The following MGA variants were observed in gnomAD, a reference collection of about 807,000 sequenced individuals.
MGA encodes the protein MAX dimerization protein MGA.
MGA carries 40 observed loss-of-function variants against 261.1 expected under a neutral mutation model. That is an observed-to-expected ratio of 0.15 (90% CI 0.12 to 0.20). The LOEUF is 0.20. Among genes scored for constraint, MGA ranks in the 10% least tolerant of loss-of-function variants. The pLI is 1.00. For missense variants in MGA, 3,397 were observed against 3,630.5 expected (o/e 0.94, Z 1.65); for synonymous variants, 1,302 against 1,290.6 (o/e 1.01, Z -0.19).
At position 41,740,073 on chromosome 15, in the gene MGA, G is replaced by A. The variant is rs755092164; in HGVS notation, c.4455G>A (p.Val1485=). ...CCAAGGTAGCATCCAATGCCAAGGT[G>A]GCTGCATCCAGGAAACCACGTACCC... Residue 1485 remains valine (V), a synonymous_variant, in exon 14 of 24, where the codon GTG becomes GTA. Coordinates refer to ENST00000219905, the MANE Select transcript of MGA (RefSeq NM_001164273.2). 1.9e-6 allele frequency: 3 copies of A among 1,613,966 alleles called. No homozygotes were observed. The Admixed American group carries it at 5.0e-5, about 27-fold the overall frequency.
At chr15:41,703,375 C>G (rs1567001970) in intron 5 of MGA, among the ~76,000 whole-genome samples, 1 of 140,630 alleles carries the variant, frequency 7.1e-6, no homozygotes, top group African/African-American at 2.6e-5. Flanking sequence ...GTTACCCCCC[C>G]CCCCACTCCC....
chr15:41,725,470 C>T (rs944356237), intron 9 of MGA, among the ~76,000 whole-genome samples: 2 of 152,022 alleles, frequency 1.3e-5, no homozygotes, highest in African/African-American at 2.4e-5. Flanking sequence ...TCACTTTAGC[C>T]AGGAGGCTAC....
At chr15:41,709,065 T>C (rs1278805834) in intron 7 of MGA, among the ~76,000 whole-genome samples, 1 of 152,104 alleles carries the variant, frequency 6.6e-6, no homozygotes, top group Non-Finnish European at 1.5e-5. Context: ...AATTTTGTGG[T>C]TGGGCATGGT....
chr15:41,711,190 G>GCAGCAGCAA lies in MGA; in HGVS notation c.2931_2939dup (p.Gln979_Gln981dup), dbSNP rs751369884. ...AGATTAGTTTGCGGCAGGCACAGCA[G>GCAGCAGCAA]CAGCAGCAACAGCAACAGGGAAGTC... On this transcript the variant is annotated inframe_insertion, in exon 8 of 24. Coordinates refer to ENST00000219905, the MANE Select transcript of MGA (RefSeq NM_001164273.2). 1.2e-6 allele frequency: 2 copies of GCAGCAGCAA among 1,613,796 alleles called. No individual in the cohort carries two copies. Among genetic ancestry groups the GCAGCAGCAA allele is most frequent in the South Asian group, 1.1e-5 (1 of 91,076 alleles).
chr15:41,633,356 T>G (rs1258250902), intron 1 of MGA, among the ~76,000 whole-genome samples: 2 of 43,088 alleles, frequency 4.6e-5, no homozygotes, highest in Non-Finnish European at 1.0e-4. Flanking sequence ...CCTATGGTAT[T>G]TTTTTTTTTT....
chr15:41,761,942 G>A, intron 21 of MGA, 92 bp downstream of exon 21: 1 of 1,123,542 alleles, frequency 8.9e-7, no homozygotes, highest in Non-Finnish European at 1.3e-6. Context: ...TTAATTGAAA[G>A]CTTGGCTCCC....
At position 41,766,685 on chromosome 15, in the gene MGA, C is replaced by G; in HGVS notation, c.8603C>G (p.Pro2868Arg). The G allele has an allele frequency of 6.2e-7, 1 of 1,614,004 alleles. No homozygotes were observed. Among genetic ancestry groups the G allele is most frequent in the Non-Finnish European group, 8.5e-7 (1 of 1,179,900 alleles). Residue 2868 changes from proline to arginine, a missense_variant, in exon 24 of 24, where the codon CCT (proline) becomes CGT (arginine). Pro to Arg is a moderately radical substitution (Grantham distance 103, BLOSUM62 -2). Coordinates refer to ENST00000219905, the MANE Select transcript of MGA (RefSeq NM_001164273.2). ...CGGCGGGCTTTTATTAGTAAGGTTC[C>G]TCCTGGAAGCAGAGCAACTTTCCAG...
Position 41,769,462 on chromosome 15 carries a change from T to C in MGA, c.*2182T>C, listed in dbSNP as rs2063950038. On this transcript the variant is annotated 3_prime_UTR_variant, in exon 24 of 24. Transcript: ENST00000219905. ...GCAGATACCATTCTAACCCCCAAGA[T>C]ACTGTGTTCTCAAGACCTCTTAGAA... 1.3e-5 allele frequency: 2 copies of C among 152,154 alleles called. No individual in the cohort carries two copies. The highest frequency in any genetic ancestry group is 1.9e-4 in the East Asian group (1 of 5,200). The allele number at this position is 152,154 out of a possible 1,614,324, so 9.4% of individuals were successfully genotyped here.
At position 41,749,719 on chromosome 15, in the gene MGA, CCAGAAGAAGGTTGTG is replaced by C; in HGVS notation, c.6115_6129del (p.Glu2039_Ala2043del). On this transcript the variant is annotated inframe_deletion, in exon 17 of 24. Coordinates refer to ENST00000219905, the MANE Select transcript of MGA (RefSeq NM_001164273.2). ...TGATCATTTGGATGAAGAATGCCTTCCAGAAGAAGGTTGTGCAACTGTCAAACCATCTGAGCATTC... is the reference window on the plus strand; with the variant it reads ...TGATCATTTGGATGAAGAATGCCTTCCAACTGTCAAACCATCTGAGCATTC... 2.5e-6 allele frequency: 4 copies of C among 1,613,954 alleles called. No homozygotes were observed. The highest frequency in any genetic ancestry group is 3.4e-6 in the Non-Finnish European group (4 of 1,179,878).
At chr15:41,728,406 T>G (rs1475435691) in intron 10 of MGA, among the ~76,000 whole-genome samples, 1 of 152,202 alleles carries the variant, frequency 6.6e-6, no homozygotes, top group Non-Finnish European at 1.5e-5. Flanking sequence ...ATTCTGCATA[T>G]AATTTTCAAC....
At chr15:41,678,697 G>C (rs2058511621) in intron 2 of MGA, among the ~76,000 whole-genome samples, 1 of 151,466 alleles carries the variant, frequency 6.6e-6, no homozygotes, top group Non-Finnish European at 1.5e-5. Context: ...AACCCGGGAG[G>C]CGGAGGTTGC....
chr15:41,684,040 G>T (rs566780487), intron 2 of MGA, among the ~76,000 whole-genome samples: 1 of 152,036 alleles, frequency 6.6e-6, no homozygotes, highest in African/African-American at 2.4e-5. Flanking sequence ...GGTTCTTCCT[G>T]TGTGCACCCT....
chr15:41,742,843 ATTC>A lies in MGA; in HGVS notation c.4888_4890del (p.Ser1630del). On this transcript the variant is annotated inframe_deletion, in exon 15 of 24. Transcript: ENST00000219905. ...GACGTGGAAACTAAAGAAACTACTT[ATTC>A]TTCTGGTGCCACCACTACAGGGGTT... is the stretch of plus-strand genomic sequence containing the variant. 1 of 1,613,952 alleles carries A rather than the reference ATTC, an allele frequency of 6.2e-7. No individual in the cohort carries two copies. Among genetic ancestry groups the A allele is most frequent in the Non-Finnish European group, 8.5e-7 (1 of 1,179,876 alleles).
intron 2 of MGA, chr15:41,691,642 C>G (rs760133846): frequency 1.9e-6 from 1 of 518,008 alleles, no homozygotes; most frequent in East Asian, 5.5e-5. Flanking sequence ...TCTGAATGAT[C>G]TCAGCTGTCT....
chr15:41,728,014 C>G (rs1380390491), intron 10 of MGA, among the ~76,000 whole-genome samples: 3 of 152,136 alleles, frequency 2.0e-5, no homozygotes, highest in Non-Finnish European at 4.4e-5. Context: ...TAGTATAAAA[C>G]TGTTTCTGGT....
At chr15:41,685,495 C>T (rs12439771) in intron 2 of MGA, among the ~76,000 whole-genome samples, 20,561 of 152,024 alleles carry the variant, frequency 0.14, 2,473 homozygotes, top group East Asian at 0.68. Flanking sequence ...TGAAAAAACC[C>T]GCTGGAATTG....
At chr15:41,760,227 G>A (rs977274545) in intron 19 of MGA, 96 bp from the exon 20 acceptor site, 3 of 1,160,568 alleles carry the variant, frequency 2.6e-6, no homozygotes, top group Non-Finnish European at 2.6e-6. Flanking sequence ...CAGACAAAAG[G>A]TAATGAGTGC....
At chr15:41,740,017 C>G (rs1250916763) in intron 13 of MGA, 1 of 1,613,924 alleles carries the variant, frequency 6.2e-7, no homozygotes, top group South Asian at 1.1e-5. Flanking sequence ...ACCCTCAGTC[C>G]TGGACCTCTC....
intron 11 of MGA, among the ~76,000 whole-genome samples, chr15:41,733,619 A>G (rs1213088109): frequency 1.3e-5 from 2 of 152,222 alleles, no homozygotes; most frequent in Non-Finnish European, 2.9e-5. Flanking sequence ...AATGACAAAA[A>G]CAAAAAAATT....
Sources: allele counts gnomAD v4.1 joint callset (sites outside exome capture counted in the v4.1 genomes callset), GRCh38; gene constraint gnomAD v4.1.1; transcripts MANE v1.5; gene names NCBI Gene and HGNC (gene_info 2026-07-23, HGNC 2026-07-21).